Variants in CNTF observed in about 807,000 individuals in gnomAD.
The protein encoded by CNTF is ciliary neurotrophic factor, also known as Ciliary Neuronotrophic Factor.
CNTF carries 14 observed loss-of-function variants against 13.0 expected under a neutral mutation model. That is an observed-to-expected ratio of 1.07 (90% CI 0.71 to 1.68). CNTF has a LOEUF of 1.68. Among genes scored for constraint, CNTF ranks in the 40% most tolerant of loss-of-function variants. CNTF has a pLI of 0.00. For missense variants in CNTF, 283 were observed against 252.5 expected (o/e 1.12, Z -0.82); for synonymous variants, 98 against 92.4 (o/e 1.06, Z -0.35).
chr11:58,624,841 T>C lies in CNTF; in HGVS notation c.*319T>C. Reference sequence around the variant, plus strand: ...CAGGGTTCTAACCTTTCTAACCCACTAAGTAACCTCTACAGGCATTTAACT... The same window carrying C: ...CAGGGTTCTAACCTTTCTAACCCACCAAGTAACCTCTACAGGCATTTAACT... On this transcript the variant is annotated 3_prime_UTR_variant, in exon 2 of 2. Coordinates refer to ENST00000361987, the MANE Select transcript of CNTF (RefSeq NM_000614.4). The C allele has an allele frequency of 3.0e-6, 1 of 329,082 alleles. No homozygotes were observed. The highest frequency in any genetic ancestry group is 5.7e-6 in the Non-Finnish European group (1 of 174,028). 20.4% of individuals were successfully genotyped at this position (329,082 alleles called of 1,614,324 possible).
At chr11:58,623,608 A>G (rs528343734) in intron 1 of CNTF, among the ~76,000 whole-genome samples, 5 of 152,332 alleles carry the variant, frequency 3.3e-5, no homozygotes, top group Non-Finnish European at 5.9e-5. Context: ...GGGAGTGCTC[A>G]ATGGGGAGAG....
Position 58,625,313 on chromosome 11 carries a change from C to T in CNTF, c.*791C>T, listed in dbSNP as rs1385290724. ...GAAAACAGCTGCTGTTAGATGTCCT[C>T]AGAAGTCAGTTGCAAATTTTAGCGT... On this transcript the variant is annotated 3_prime_UTR_variant, in exon 2 of 2. Coordinates refer to ENST00000361987, the MANE Select transcript of CNTF (RefSeq NM_000614.4). 6.6e-6 allele frequency: 1 copy of T among 152,210 alleles called. No individual in the cohort carries two copies. Among genetic ancestry groups the T allele is most frequent in the Non-Finnish European group, 1.5e-5 (1 of 68,052 alleles). The allele number at this position is 152,210 out of a possible 1,614,324, so 9.4% of individuals were successfully genotyped here. A position where few individuals can be genotyped will look rare whatever the true frequency, so the allele number is the denominator to read the frequency against.
rs1161440852 is a variant in CNTF, at chr11:58,624,342, G to A, written c.423G>A (p.Gly141=). 2.5e-6 allele frequency: 4 copies of A among 1,613,806 alleles called. No homozygotes were observed. Among genetic ancestry groups the A allele is most frequent in the South Asian group, 1.1e-5 (1 of 91,066 alleles). ...EYKIPRNEAD[G]MPINVGDGGL... ...AGATCCCCCGCAATGAGGCTGATGG[G>A]ATGCCTATTAATGTTGGAGATGGTG... Residue 141 remains glycine, a synonymous_variant, in exon 2 of 2, where the codon GGG becomes GGA. Transcript: ENST00000361987.
chr11:58,625,111 T>C lies in CNTF; in HGVS notation c.*589T>C, dbSNP rs1855913016. 6.5e-6 allele frequency: 1 copy of C among 152,982 alleles called. No individual in the cohort carries two copies. Among genetic ancestry groups the C allele is most frequent in the Non-Finnish European group, 1.5e-5 (1 of 68,618 alleles). The allele number at this position is 152,982 out of a possible 1,614,324, so 9.5% of individuals were successfully genotyped here. ...CCATTAGGTAGATGAGAAAACAGGC[T>C]CACAGAGATTTGGTTAAGCTCACAC... On this transcript the variant is annotated 3_prime_UTR_variant, in exon 2 of 2. Coordinates refer to ENST00000361987, the MANE Select transcript of CNTF (RefSeq NM_000614.4).
At position 58,624,559 on chromosome 11, in the gene CNTF, A is replaced by G. The variant is rs745354988; in HGVS notation, c.*37A>G. On this transcript the variant is annotated 3_prime_UTR_variant, in exon 2 of 2. Transcript: ENST00000361987. ...TTCTCTCTTCCTTGCTTTCTCTTCT[A>G]ATGGAATATGCGTAGTTCCCTGGGG... 1 of 1,609,178 alleles carries G rather than the reference A, an allele frequency of 6.2e-7. No homozygotes were observed. The highest frequency in any genetic ancestry group is 8.5e-7 in the Non-Finnish European group (1 of 1,179,206).
chr11:58,623,771 A>G (rs1026879143), intron 1 of CNTF, among the ~76,000 whole-genome samples: 2 of 152,246 alleles, frequency 1.3e-5, no homozygotes, highest in African/African-American at 4.8e-5. Flanking sequence ...CTTCTAAATC[A>G]GTTTTCAACC....
Position 58,624,643 on chromosome 11 carries a change from T to C in CNTF, c.*121T>C, listed in dbSNP as rs975038112. 9 of 1,242,092 alleles carry C rather than the reference T, an allele frequency of 7.2e-6. No homozygotes were observed. The East Asian group carries it at 1.9e-4, about 26-fold the overall frequency. 76.9% of individuals were successfully genotyped at this position (1,242,092 alleles called of 1,614,324 possible). ...TTAAGACAACAGGCATTTTCTTTCT[T>C]TTTTCTCTGACCACCTGCAGCCTGT... On this transcript the variant is annotated 3_prime_UTR_variant, in exon 2 of 2. Coordinates refer to ENST00000361987, the MANE Select transcript of CNTF (RefSeq NM_000614.4).
Position 58,624,421 on chromosome 11 carries a change from T to C in CNTF, c.502T>C (p.Trp168Arg). 1.2e-6 allele frequency: 2 copies of C among 1,613,908 alleles called. No individual in the cohort carries two copies. Among genetic ancestry groups the C allele is most frequent in the South Asian group, 2.2e-5 (2 of 91,054 alleles). ...GLKVLQELSQ[W>R]TVRSIHDLRF... ...AAAGGTGCTGCAGGAGCTTTCACAGTGGACAGTAAGGTCCATCCATGACCT... is the reference window on the plus strand; with the variant it reads ...AAAGGTGCTGCAGGAGCTTTCACAGCGGACAGTAAGGTCCATCCATGACCT... Residue 168 changes from tryptophan to arginine, a missense_variant, in exon 2 of 2, where the codon TGG (tryptophan) becomes CGG (arginine). By Grantham distance (101) the Trp-to-Arg change is moderately radical. Coordinates refer to ENST00000361987, the MANE Select transcript of CNTF (RefSeq NM_000614.4).
intron 1 of CNTF, among the ~76,000 whole-genome samples, chr11:58,623,260 C>G (rs1295323171): frequency 6.6e-6 from 1 of 152,168 alleles, no homozygotes; most frequent in African/African-American, 2.4e-5. Context: ...AGGAAGAGTA[C>G]TATGAACGTG....
intron 1 of CNTF, among the ~76,000 whole-genome samples, 158 bp downstream of exon 1, chr11:58,623,024 T>C (rs1456360369): frequency 6.6e-6 from 1 of 152,234 alleles, no homozygotes; most frequent in Non-Finnish European, 1.5e-5. Context: ...AGGAAACCCA[T>C]GTGACTTTAT....
Position 58,624,741 on chromosome 11 carries a change from G to T in CNTF, c.*219G>T, listed in dbSNP as rs190999960. 5.7e-6 allele frequency: 3 copies of T among 527,920 alleles called. No individual in the cohort carries two copies. The East Asian group carries it at 1.1e-4, about 19-fold the overall frequency. 32.7% of individuals were successfully genotyped at this position (527,920 alleles called of 1,614,324 possible). On this transcript the variant is annotated 3_prime_UTR_variant, in exon 2 of 2. Coordinates refer to ENST00000361987, the MANE Select transcript of CNTF (RefSeq NM_000614.4). ...AATGGGCATACAAGTTTAGCCTGGG[G>T]GGTGTGATTTGTGTGCGTGCTTGCA... is the stretch of plus-strand genomic sequence containing the variant.
rs1470644704 is a variant in CNTF at position 58,625,709 on chromosome 11, T to C, written c.*1187T>C. 6.6e-6 allele frequency: 1 copy of C among 152,132 alleles called. No homozygotes were observed. The highest frequency in any genetic ancestry group is 1.5e-5 in the Non-Finnish European group (1 of 68,018). The allele number at this position is 152,132 out of a possible 1,614,324, so 9.4% of individuals were successfully genotyped here. On this transcript the variant is annotated 3_prime_UTR_variant, in exon 2 of 2. Transcript: ENST00000361987. Reference sequence around the variant, plus strand: ...TACCAGAGACTCTGAAACTATAGAATAAAGCCTCTGTGCTGCACAACAAAG... The same window carrying C: ...TACCAGAGACTCTGAAACTATAGAACAAAGCCTCTGTGCTGCACAACAAAG...
Sources: allele counts gnomAD v4.1 joint callset (sites outside exome capture counted in the v4.1 genomes callset), GRCh38; gene constraint gnomAD v4.1.1; transcripts MANE v1.5; gene names NCBI Gene and HGNC (gene_info 2026-07-23, HGNC 2026-07-21).